Variants in UBR4 observed in about 807,000 individuals in gnomAD.
UBR4 encodes the protein E3 ubiquitin-protein ligase UBR4.
A neutral mutation model predicts 575.6 loss-of-function variants in UBR4; 124 were observed. That is an observed-to-expected ratio of 0.22 (90% CI 0.19 to 0.25). The LOEUF is 0.25. Among genes scored for constraint, UBR4 ranks in the 10% least tolerant of loss-of-function variants. UBR4 has a pLI of 1.00. For synonymous variants in UBR4, 2,455 were observed against 2,473.7 expected (o/e 0.99, Z 0.22); for missense variants, 4,818 against 6,478.8 (o/e 0.74, Z 8.80).
At position 19,081,384 on chromosome 1, in the gene UBR4, C is replaced by A; in HGVS notation, c.15198G>T (p.Ser5066=). 1 of 1,610,838 alleles carries A rather than the reference C, an allele frequency of 6.2e-7. No homozygotes were observed. The highest frequency in any genetic ancestry group is 1.7e-4 in the Middle Eastern group (1 of 6,048). Reference sequence around the variant, plus strand: ...CACCTGGAGCCACTGCCCGAGCCTGCGAGGTCACCAACAGCCTCCGCAAGA... The same window carrying A: ...CACCTGGAGCCACTGCCCGAGCCTGAGAGGTCACCAACAGCCTCCGCAAGA... ...VEILRRLLVT[S]QARAVAPGGA... Residue 5066 remains serine (S), a synonymous_variant, in exon 103 of 106, where the codon TCG becomes TCT. Coordinates refer to ENST00000375254, the MANE Select transcript of UBR4 (RefSeq NM_020765.3).
At chr1:19,078,129 C>G (rs2076138311) in intron 103 of UBR4, 63 bp from the exon 104 acceptor site, 3 of 1,535,820 alleles carry the variant, frequency 2.0e-6, no homozygotes, top group Non-Finnish European at 1.8e-6. Flanking sequence ...AAGGACAGAG[C>G]AAGGCATGCT....
Position 19,152,568 on chromosome 1 carries a change from A to G in UBR4, c.6833-92T>C, listed in dbSNP as rs994214810. ...CTCCTCCCAGACAGAGCCCACACTC[A>G]CACTCTAATCTAAGCAAACTCTGGA... On this transcript the variant is annotated intron_variant, in intron 46 of 105. Coordinates refer to ENST00000375254, the MANE Select transcript of UBR4 (RefSeq NM_020765.3). The surrounding 1 kb of genome is among the most constrained non-coding windows in gnomAD (Gnocchi z 4.4). 4.0e-5 allele frequency: 61 copies of G among 1,528,906 alleles called. No homozygotes were observed. The highest frequency in any genetic ancestry group is 5.4e-5 in the Non-Finnish European group (60 of 1,117,982). 94.7% of individuals were successfully genotyped at this position (1,528,906 alleles called of 1,614,324 possible). A position where few individuals can be genotyped will look rare whatever the true frequency, so the allele number is the denominator to read the frequency against.
At chr1:19,201,276 A>G (rs2092728951) in intron 2 of UBR4, among the ~76,000 whole-genome samples, 1 of 152,222 alleles carries the variant, frequency 6.6e-6, no homozygotes, top group Non-Finnish European at 1.5e-5. Context: ...GGAGAACTGA[A>G]GTTGAAATCC....
In UBR4 at chr1:19,139,065, C is replaced by T. The variant is rs1322829703; in HGVS notation, c.8731+18G>A. On this transcript the variant is annotated intron_variant, in intron 59 of 105. Coordinates refer to ENST00000375254, the MANE Select transcript of UBR4 (RefSeq NM_020765.3). This position sits in a 1 kb window ranked among gnomAD's most constrained non-coding sequence, Gnocchi z 4.2. ...ACCCTCTGCCCAAGGAGACAGGACC[C>T]CCGCCATGGCACATTACCACTGTGC... 1.3e-6 allele frequency: 2 copies of T among 1,599,042 alleles called. No individual in the cohort carries two copies. Among genetic ancestry groups the T allele is most frequent in the South Asian group, 2.2e-5 (2 of 89,810 alleles).
chr1:19,128,190 A>G (rs764260845), intron 62 of UBR4, 21 bp downstream of exon 62: 3 of 1,602,690 alleles, frequency 1.9e-6, no homozygotes, highest in African/African-American at 2.7e-5. Flanking sequence ...TTTCTCACAC[A>G]GTCTGCCTCT....
rs765479859 is a variant in UBR4, at chr1:19,141,332, G to A, written c.8488+15C>T. 3.1e-6 allele frequency: 5 copies of A among 1,614,010 alleles called. No individual in the cohort carries two copies. In the Admixed American group the frequency reaches 5.0e-5, roughly 16 times the overall value. On this transcript the variant is annotated intron_variant, in intron 57 of 105. Transcript: ENST00000375254. ...AAGGCCAATGGGCCGCTTTGTTCTT[G>A]GCATGGCCTTCTACCTTGTTGGTCC...
intron 97 of UBR4, among the ~76,000 whole-genome samples, chr1:19,090,186 C>T (rs2077373436): frequency 6.6e-6 from 1 of 152,176 alleles, no homozygotes; most frequent in South Asian, 2.1e-4. Flanking sequence ...TTCTCACGTT[C>T]GGTCACTCTC....
intron 105 of UBR4, chr1:19,075,203 C>T (rs2075803172): frequency 2.7e-6 from 1 of 376,486 alleles, no homozygotes; most frequent in South Asian, 2.4e-5. Flanking sequence ...GCTGTCAAAA[C>T]CTGACCTAGG....
Position 19,151,737 on chromosome 1 carries a change from T to C in UBR4, c.7119A>G (p.Arg2373=). 1 of 1,614,196 alleles carries C rather than the reference T, an allele frequency of 6.2e-7. No individual in the cohort carries two copies. Among genetic ancestry groups the C allele is most frequent in the African/African-American group, 1.3e-5 (1 of 75,050 alleles). Residue 2373 remains arginine (R), a synonymous_variant, in exon 48 of 106, where the codon AGA becomes AGG. Transcript: ENST00000375254. ...RAPSYIEIFG[R]TMQLNLSRSR... ...AGCGACTCAGGTTGAGCTGCATAGT[T>C]CTGCCGAAGATCTCGATATATGACG...
At chr1:19,192,414 T>C (rs1329783003) in intron 10 of UBR4, 36 bp from the exon 11 acceptor site, 4 of 1,614,090 alleles carry the variant, frequency 2.5e-6, no homozygotes, top group Middle Eastern at 1.6e-4. Context: ...AACATAATCA[T>C]AGAGATATTT....
At chr1:19,121,135 AAG>A in intron 68 of UBR4, 52 bp downstream of exon 68, 1 of 1,587,214 alleles carries the variant, frequency 6.3e-7, no homozygotes, top group Non-Finnish European at 8.6e-7. Flanking sequence ...CATGTGCTCC[AAG>A]AGAGATTTAC....
rs1557991645 is a variant in UBR4 at position 19,193,499 on chromosome 1, C to A, written c.1077G>T (p.Arg359=). The change falls in exon 9 of 106, where the codon CGG becomes CGT. Residue 359 remains arginine, a synonymous_variant. Coordinates refer to ENST00000375254, the MANE Select transcript of UBR4 (RefSeq NM_020765.3). ...CTTCTTTGGAGCTCGTGGACCCTGT[C>A]CGCACTTGCTGGGCACTACCCACAT... ...ILHVGSAQQV[R]TGSTSSKEDD... is the part of the protein sequence containing the mutation. 2 of 1,614,196 alleles carry A rather than the reference C, an allele frequency of 1.2e-6. No individual in the cohort carries two copies. Among genetic ancestry groups the A allele is most frequent in the South Asian group, 2.2e-5 (2 of 91,084 alleles).
rs2086078970 is a variant in UBR4 at position 19,153,964 on chromosome 1, G to T, written c.6459-25C>A. The T allele has an allele frequency of 1.2e-6, 2 of 1,607,902 alleles. No individual in the cohort carries two copies. The highest frequency in any genetic ancestry group is 2.2e-5 in the South Asian group (2 of 90,222). On this transcript the variant is annotated intron_variant, in intron 44 of 105. Coordinates refer to ENST00000375254, the MANE Select transcript of UBR4 (RefSeq NM_020765.3). This position sits in a 1 kb window ranked among gnomAD's most constrained non-coding sequence, Gnocchi z 4.1. Reference sequence around the variant, plus strand: ...ACTGCAGACAACAAAACTGGCCACAGTTAGAGTGTCAGTCACCATTTAATA... The same window carrying T: ...ACTGCAGACAACAAAACTGGCCACATTTAGAGTGTCAGTCACCATTTAATA...
intron 20 of UBR4, among the ~76,000 whole-genome samples, chr1:19,175,918 C>T (rs1310789622): frequency 3.9e-5 from 6 of 152,140 alleles, no homozygotes; most frequent in East Asian, 3.9e-4. Context: ...CTTAGCCTCT[C>T]GAGTAGCTGG....
In UBR4 at chr1:19,106,742, T is replaced by G; in HGVS notation, c.12236-16A>C. On this transcript the variant is annotated splice_polypyrimidine_tract_variant and intron_variant, in intron 82 of 105. Transcript: ENST00000375254. The stretch of plus-strand genomic sequence containing the variant: ...CCATCTATCCCTGCAAGGCCAAGGG[T>G]TGCAGGGGTAGTAGGTAAGTAAATG... 1 of 1,596,682 alleles carries G rather than the reference T, an allele frequency of 6.3e-7. No individual in the cohort carries two copies. Among genetic ancestry groups the G allele is most frequent in the Non-Finnish European group, 8.6e-7 (1 of 1,168,396 alleles).
Position 19,110,228 on chromosome 1 carries a change from G to A in UBR4, c.11978-5C>T. On this transcript the variant is annotated splice_polypyrimidine_tract_variant and splice_region_variant and intron_variant, in intron 80 of 105. Coordinates refer to ENST00000375254, the MANE Select transcript of UBR4 (RefSeq NM_020765.3). The surrounding 1 kb of genome is among the most constrained non-coding windows in gnomAD (Gnocchi z 4.5). ...CCATGAGGAAAAGGCTGAGAGCTAG[G>A]GATGGTCAGGAAAGGCAGAGTCACA... 10 of 1,614,208 alleles carry A rather than the reference G, an allele frequency of 6.2e-6. No homozygotes were observed. Among genetic ancestry groups the A allele is most frequent in the Non-Finnish European group, 8.5e-6 (10 of 1,180,032 alleles).
rs1223508246 is a variant in UBR4 at position 19,113,738 on chromosome 1, G to A, written c.11418C>T (p.Asp3806=). The change falls in exon 77 of 106, where the codon GAC becomes GAT. Residue 3806 remains aspartate, a synonymous_variant. Coordinates refer to ENST00000375254, the MANE Select transcript of UBR4 (RefSeq NM_020765.3). Reference sequence around the variant, plus strand: ...AGAGTTCATCAAAAGAGTTCTTGCAGTCTCCACAATACTCCTGAGCCAACT... The same window carrying A: ...AGAGTTCATCAAAAGAGTTCTTGCAATCTCCACAATACTCCTGAGCCAACT... The part of the protein sequence containing the change: ...ILQLAQEYCG[D]CKNSFDELSK... The A allele has an allele frequency of 6.2e-7, 1 of 1,614,202 alleles. No homozygotes were observed. Among genetic ancestry groups the A allele is most frequent in the East Asian group, 2.2e-5 (1 of 44,884 alleles).
In UBR4 at chr1:19,210,168, C is replaced by A. The variant is rs748244064; in HGVS notation, c.81G>T (p.Pro27=). The A allele has an allele frequency of 9.0e-6, 14 of 1,548,154 alleles. No homozygotes were observed. In the African/African-American group the frequency reaches 1.6e-4, roughly 17 times the overall value. Residue 27 remains proline (P), a synonymous_variant, in exon 1 of 106, where the codon CCG becomes CCT. Coordinates refer to ENST00000375254, the MANE Select transcript of UBR4 (RefSeq NM_020765.3). Reference sequence around the variant, plus strand: ...GGGGCCGCACAGCCACCTCCCAGCCCGGGGTCGTGTCCGCCCCCGTTGCCG... The same window carrying A: ...GGGGCCGCACAGCCACCTCCCAGCCAGGGGTCGTGTCCGCCCCCGTTGCCG... ...GTPATGADTT[P]GWEVAVRPLL...
chr1:19,149,883 G>A (rs1261689168), intron 49 of UBR4: 2 of 1,058,114 alleles, frequency 1.9e-6, no homozygotes, highest in African/African-American at 1.7e-5. Context: ...AACCATGTAT[G>A]GATAGGGCAT....
Sources: gnomAD v4.1 joint callset for allele counts (sites outside exome capture counted in the v4.1 genomes callset) on GRCh38, gnomAD v4.1.1 for gene constraint, Gnocchi (gnomAD v3.1) non-coding constraint, MANE v1.5 for transcripts, NCBI Gene and HGNC (gene_info 2026-07-23, HGNC 2026-07-21) for gene names.